Variants in ATP2C2 observed in about 807,000 individuals in gnomAD.
ATP2C2 encodes the protein ATPase secretory pathway Ca2+ transporting 2, also known as calcium-transporting ATPase type 2C member 2.
Under a neutral mutation model 110.8 loss-of-function variants are expected in ATP2C2, and 171 were observed. That is an observed-to-expected ratio of 1.54 (90% CI 1.36 to 1.75). The LOEUF (loss-of-function observed/expected upper bound fraction) is 1.75. Among genes scored for constraint, ATP2C2 ranks in the 40% most tolerant of loss-of-function variants. The probability of loss-of-function intolerance (pLI) is 0.00; values close to 1 mark genes in which losing one functional copy is unlikely to be tolerated. For missense variants in ATP2C2, 1,963 were observed against 1,235.0 expected (o/e 1.59, Z -8.84); for synonymous variants, 804 against 508.4 (o/e 1.58, Z -7.82).
Position 84,410,759 on chromosome 16 carries a change from G to C in ATP2C2, c.509G>C (p.Cys170Ser), listed in dbSNP as rs376072940. The change falls in exon 6 of 27, where the codon TGT becomes TCT. Residue 170 changes from cysteine to serine, a missense_variant. By Grantham distance (112) the Cys-to-Ser change is moderately radical. Coordinates refer to ENST00000262429, the MANE Select transcript of ATP2C2 (RefSeq NM_014861.4). ...EELTKLVPPE[C>S]NCLREGKLQH... ...CTGACCAAGCTGGTTCCTCCAGAAT[G>C]TAACTGGTAAGTCAGAGCCTCCCTG... is the stretch of plus-strand genomic sequence containing the variant. 6.2e-7 allele frequency: 1 copy of C among 1,614,052 alleles called. No individual in the cohort carries two copies.
At position 84,423,183 on chromosome 16, in the gene ATP2C2, T is replaced by G. The variant is rs746590672; in HGVS notation, c.844-5T>G. Reference sequence around the variant, plus strand: ...CCAACTAACCCATTGTGCTCACCCTTTCAGACACCTAAAACTCCTTTGCAG... The same window carrying G: ...CCAACTAACCCATTGTGCTCACCCTGTCAGACACCTAAAACTCCTTTGCAG... On this transcript the variant is annotated splice_region_variant and splice_polypyrimidine_tract_variant and intron_variant, in intron 9 of 26. Transcript: ENST00000262429. 1 of 1,613,750 alleles carries G rather than the reference T, an allele frequency of 6.2e-7. No individual in the cohort carries two copies. The highest frequency in any genetic ancestry group is 8.5e-7 in the Non-Finnish European group (1 of 1,179,674).
At chr16:84,454,715 C>T (rs1234131540) in intron 20 of ATP2C2, 103 bp from the exon 21 acceptor site, 20 of 1,228,912 alleles carry the variant, frequency 1.6e-5, no homozygotes, top group Non-Finnish European at 2.2e-5. Flanking sequence ...ATTCCGGGTG[C>T]CCTCCAGACA....
chr16:84,397,023 G>C (rs1419336833), intron 1 of ATP2C2, among the ~76,000 whole-genome samples: 1 of 151,868 alleles, frequency 6.6e-6, no homozygotes, highest in South Asian at 2.1e-4. Flanking sequence ...AAAGGAGGAA[G>C]TTACTCAATA....
intron 11 of ATP2C2, among the ~76,000 whole-genome samples, chr16:84,428,050 C>T (rs1907948035): frequency 6.6e-6 from 1 of 152,134 alleles, no homozygotes; most frequent in Non-Finnish European, 1.5e-5. Context: ...GAAGAGTAAA[C>T]CATTATTGCA....
At chr16:84,438,701 G>A (rs900057879) in intron 11 of ATP2C2, among the ~76,000 whole-genome samples, 12 of 152,086 alleles carry the variant, frequency 7.9e-5, no homozygotes, top group African/African-American at 2.9e-4. Flanking sequence ...GGACTTCCTT[G>A]TCTGGCTTCC....
intron 2 of ATP2C2, among the ~76,000 whole-genome samples, chr16:84,403,481 A>T (rs1454658298): frequency 6.6e-6 from 1 of 151,094 alleles, no homozygotes; most frequent in Non-Finnish European, 1.5e-5. Flanking sequence ...AATTTTTAAA[A>T]TTTTTTTGTA....
chr16:84,406,492 G>C, intron 3 of ATP2C2: 1 of 707,758 alleles, frequency 1.4e-6, no homozygotes, highest in Non-Finnish European at 1.7e-6. Context: ...TGTGTTTACA[G>C]CTTCCTCCAT....
chr16:84,400,521 G>C (rs1220754079), intron 2 of ATP2C2, among the ~76,000 whole-genome samples: 5 of 152,020 alleles, frequency 3.3e-5, no homozygotes, highest in Non-Finnish European at 5.9e-5. Flanking sequence ...TAGAGACGGG[G>C]TTTCACCGTG....
intron 3 of ATP2C2, among the ~76,000 whole-genome samples, chr16:84,405,492 G>GCCCC (rs759645318): frequency 0.024 from 3,605 of 152,272 alleles, 49 homozygotes; most frequent in Non-Finnish European, 0.036. Flanking sequence ...ATGAGTAAGT[G>GCCCC]AATAAGTAAG....
chr16:84,388,052 G>A (rs1470035144), intron 1 of ATP2C2, among the ~76,000 whole-genome samples: 1 of 151,934 alleles, frequency 6.6e-6, no homozygotes, highest in Non-Finnish European at 1.5e-5. Flanking sequence ...TTTTGGCCAG[G>A]CAGGTGCAGT....
At chr16:84,383,066 T>C (rs2151401446) in intron 1 of ATP2C2, among the ~76,000 whole-genome samples, 1 of 152,296 alleles carries the variant, frequency 6.6e-6, no homozygotes, top group South Asian at 2.1e-4. Flanking sequence ...GATCCAGCGC[T>C]GGGCCTGCCC....
chr16:84,378,860 C>G (rs777954245), intron 1 of ATP2C2, among the ~76,000 whole-genome samples: 1 of 152,190 alleles, frequency 6.6e-6, no homozygotes, highest in Admixed American at 6.5e-5. Context: ...GTGGGCTCAC[C>G]GTCGCGAGGT....
chr16:84,456,455 C>G (rs12920095), intron 21 of ATP2C2, among the ~76,000 whole-genome samples: 1 of 143,376 alleles, frequency 7.0e-6, no homozygotes, highest in Non-Finnish European at 1.5e-5. Flanking sequence ...CCTCTCTCAC[C>G]GCTCCTATTC....
At chr16:84,444,814 G>C (rs576897024) in intron 15 of ATP2C2, among the ~76,000 whole-genome samples, 2 of 152,304 alleles carry the variant, frequency 1.3e-5, no homozygotes, top group Non-Finnish European at 2.9e-5. Flanking sequence ...ACAAACACTG[G>C]CTGGCATGTA....
rs1159930414 is a variant in ATP2C2 at position 84,368,548 on chromosome 16, G to C, written c.-68G>C. The stretch of plus-strand genomic sequence containing the variant: ...AACCGGGTCCGGCCCAGGAGGCTTG[G>C]GCGCGCGCAGCCATCCCGGGCCTCG... On this transcript the variant is annotated 5_prime_UTR_variant, in exon 1 of 27. Coordinates refer to ENST00000262429, the MANE Select transcript of ATP2C2 (RefSeq NM_014861.4). The C allele has an allele frequency of 3.1e-5, 40 of 1,281,218 alleles. No homozygotes were observed. Among genetic ancestry groups the C allele is most frequent in the Non-Finnish European group, 4.1e-5 (38 of 922,318 alleles). 79.4% of individuals were successfully genotyped at this position (1,281,218 alleles called of 1,614,324 possible).
At chr16:84,437,447 A>G (rs947414390) in intron 11 of ATP2C2, among the ~76,000 whole-genome samples, 2 of 152,036 alleles carry the variant, frequency 1.3e-5, no homozygotes, top group Non-Finnish European at 2.9e-5. Context: ...TTGAGCTCAA[A>G]TGATCTGCCA....
Position 84,463,951 on chromosome 16 carries a change from G to A in ATP2C2, c.*219G>A, listed in dbSNP as rs1911663816. ...GCTGGCTGTGGGACAGACAGGGAGG[G>A]GCCTGTACAGAAACACCACACTGTT... On this transcript the variant is annotated 3_prime_UTR_variant, in exon 27 of 27. Coordinates refer to ENST00000262429, the MANE Select transcript of ATP2C2 (RefSeq NM_014861.4). 7.5e-6 allele frequency: 4 copies of A among 532,040 alleles called. No individual in the cohort carries two copies. The South Asian group carries it at 7.5e-5, about 10-fold the overall frequency. The allele number at this position is 532,040 out of a possible 1,614,324, so 33.0% of individuals were successfully genotyped here.
At chr16:84,383,792 T>G (rs1023610030) in intron 1 of ATP2C2, among the ~76,000 whole-genome samples, 4 of 108,408 alleles carry the variant, frequency 3.7e-5, no homozygotes, top group Non-Finnish European at 9.1e-5. Flanking sequence ...TGTTGGTTTT[T>G]TTTTTTTTTT....
intron 1 of ATP2C2, among the ~76,000 whole-genome samples, chr16:84,386,131 AAAAGC>A (rs1485330161): frequency 6.6e-6 from 1 of 152,160 alleles, no homozygotes; most frequent in Non-Finnish European, 1.5e-5. Flanking sequence ...TGGCCCTGGA[AAAAGC>A]CATTTCTCCC....
Sources: allele counts gnomAD v4.1 joint callset (sites outside exome capture counted in the v4.1 genomes callset), GRCh38; gene constraint gnomAD v4.1.1; transcripts MANE v1.5; gene names NCBI Gene and HGNC (gene_info 2026-07-23, HGNC 2026-07-21).